The following TNR variants were observed in gnomAD, a reference collection of about 807,000 sequenced individuals.
TNR encodes the protein tenascin-R.
A neutral mutation model predicts 150.4 loss-of-function variants in TNR; 45 were observed. The ratio of observed to expected loss-of-function variants is 0.30; its 90% CI spans 0.24 to 0.38. The LOEUF is 0.38. Ranked by LOEUF, TNR falls within the 10% of genes least tolerant of loss-of-function variation. TNR has a pLI of 1.00. For missense variants in TNR, 1,544 were observed against 1,759.1 expected (o/e 0.88, Z 2.19); for synonymous variants, 687 against 678.4 (o/e 1.01, Z -0.20).
chr1:175,602,270 C>T (rs980961221), intron 1 of TNR, among the ~76,000 whole-genome samples: 1 of 143,932 alleles, frequency 6.9e-6, no homozygotes, highest in African/African-American at 2.6e-5. Context: ...ATGCGATCTA[C>T]TCATTCCTCT....
chr1:175,473,834 T>C lies in TNR; in HGVS notation c.-64+54435A>G, dbSNP rs141684410. On this transcript the variant is annotated intron_variant, in intron 2 of 22. Coordinates refer to ENST00000367674, the MANE Select transcript of TNR (RefSeq NM_003285.3). ...AATGGCAGCTTAACATGCATTTCTG[T>C]CTAATATTCACTTTGTCAGGTCTTT... Among the ~76,000 whole-genome samples, 501 of 152,296 alleles carry C rather than the reference T, an allele frequency of 3.3e-3. 2 individuals are homozygous for C. Among genetic ancestry groups the C allele is most frequent in the Non-Finnish European group, 6.0e-3 (405 of 68,020 alleles).
At chr1:175,428,101 C>G (rs1177285486) in intron 2 of TNR, among the ~76,000 whole-genome samples, 2 of 152,162 alleles carry the variant, frequency 1.3e-5, no homozygotes, top group African/African-American at 2.4e-5. Context: ...TAAGTAACCT[C>G]AAGATGTGTA....
Position 175,406,455 on chromosome 1 carries a change from G to T in TNR, c.260C>A (p.Ala87Asp). 1 of 1,614,206 alleles carries T rather than the reference G, an allele frequency of 6.2e-7. No homozygotes were observed. The highest frequency in any genetic ancestry group is 8.5e-7 in the Non-Finnish European group (1 of 1,180,046). The part of the protein sequence containing the change: ...NLCSSGLEAS[A>D]EQEVSAEDET... ...GTCTTCTGCACTCACCTCCTGCTCA[G>T]CAGAGGCCTCTAGCCCTGAGGAGCA... The change falls in exon 3 of 23, where the codon GCT (alanine) becomes GAT (aspartate). Residue 87 changes from alanine to aspartate, a missense_variant. By Grantham distance (126) the Ala-to-Asp change is moderately radical. This residue lies in a region of TNR where 1,254 missense variants were observed against 1,329.4 expected (regional missense o/e 0.94). Coordinates refer to ENST00000367674, the MANE Select transcript of TNR (RefSeq NM_003285.3).
intron 2 of TNR, among the ~76,000 whole-genome samples, chr1:175,482,899 C>T (rs1336740911): frequency 2.6e-5 from 4 of 152,206 alleles, no homozygotes; most frequent in Non-Finnish European, 5.9e-5. Flanking sequence ...ACCAAGACCT[C>T]ACCCAATGGA....
intron 2 of TNR, among the ~76,000 whole-genome samples, chr1:175,430,393 C>A (rs1377893475): frequency 6.6e-6 from 1 of 152,140 alleles, no homozygotes; most frequent in Non-Finnish European, 1.5e-5. Context: ...CAGAATTAGA[C>A]AACAATCTAA....
chr1:175,626,949 G>A (rs1664174246), intron 1 of TNR, among the ~76,000 whole-genome samples: 1 of 152,200 alleles, frequency 6.6e-6, no homozygotes, highest in Admixed American at 6.5e-5. Flanking sequence ...GTCACCACAA[G>A]CCAAGGAATG....
chr1:175,643,502 G>T (rs993701645), intron 1 of TNR, among the ~76,000 whole-genome samples: 1 of 152,156 alleles, frequency 6.6e-6, no homozygotes, highest in Non-Finnish European at 1.5e-5. Flanking sequence ...ACGGTGCTTT[G>T]TTGGACAATG....
chr1:175,518,298 T>C (rs1488939683), intron 2 of TNR, among the ~76,000 whole-genome samples: 1 of 152,194 alleles, frequency 6.6e-6, no homozygotes, highest in Non-Finnish European at 1.5e-5. Context: ...GCAGCTGCAT[T>C]AAGCCAAGTC....
intron 1 of TNR, among the ~76,000 whole-genome samples, chr1:175,645,203 C>T (rs1468180238): frequency 2.0e-5 from 3 of 152,166 alleles, no homozygotes; most frequent in Non-Finnish European, 1.5e-5. Context: ...ATACTGCTTA[C>T]TTTCAAAACT....
rs1653792582 is a variant in TNR, at chr1:175,403,164, A to G, written c.952T>C (p.Tyr318His). The change falls in exon 4 of 23, where the codon TAC becomes CAC. Residue 318 changes from tyrosine to histidine, a missense_variant. This residue lies in a region of TNR where 1,254 missense variants were observed against 1,329.4 expected (regional missense o/e 0.94). Transcript: ENST00000367674. ...CCTGCTGAGCAGTCAGGGCCCTGGT[A>G]GCCCTCTTCACAGACGCAGAGCCCC... ...EEGLCVCEEGYQGPDCSAVAP... is the reference protein window; with the variant it reads ...EEGLCVCEEGHQGPDCSAVAP... 6.8e-6 allele frequency: 11 copies of G among 1,613,552 alleles called. No individual in the cohort carries two copies. Among genetic ancestry groups the G allele is most frequent in the Non-Finnish European group, 9.3e-6 (11 of 1,179,638 alleles).
intron 2 of TNR, among the ~76,000 whole-genome samples, chr1:175,435,479 T>C (rs1206287546): frequency 1.3e-5 from 2 of 152,150 alleles, no homozygotes; most frequent in Admixed American, 6.5e-5. Flanking sequence ...TGGGGACATA[T>C]GAAATTTGAG....
intron 8 of TNR, 149 bp from the exon 9 acceptor site, chr1:175,379,886 C>G: frequency 1.1e-6 from 1 of 896,342 alleles, no homozygotes; most frequent in Non-Finnish European, 1.7e-6. Flanking sequence ...CTACCCTTAG[C>G]TTTTTGGTCT....
intron 1 of TNR, among the ~76,000 whole-genome samples, chr1:175,563,030 C>T (rs1661492469): frequency 6.6e-6 from 1 of 152,190 alleles, no homozygotes; most frequent in East Asian, 1.9e-4. Context: ...TAACCCCATG[C>T]AGAGTCAGCC....
At chr1:175,625,160 C>T (rs1273965148) in intron 1 of TNR, among the ~76,000 whole-genome samples, 4 of 152,358 alleles carry the variant, frequency 2.6e-5, no homozygotes, top group Admixed American at 6.5e-5. Context: ...TTGGCTTCTA[C>T]GATTCCCAAG....
chr1:175,428,159 C>T (rs748199335), intron 2 of TNR, among the ~76,000 whole-genome samples: 5 of 152,216 alleles, frequency 3.3e-5, no homozygotes, highest in Non-Finnish European at 5.9e-5. Context: ...TATGTATCAA[C>T]AGTAAACCAA....
rs1211078326 is a variant in TNR, at chr1:175,692,420, G to C, written c.-165+50806C>G. 4.6e-5 allele frequency among the ~76,000 whole-genome samples: 7 copies of C among 152,240 alleles called. No individual in the cohort carries two copies. The South Asian group carries it at 1.4e-3, about 31-fold the overall frequency. ...TCCAAGATGGACCAAATATATGTGT[G>C]CGTGGCATCTGCCCTAGCGATGGTT... is the stretch of plus-strand genomic sequence containing the variant. On this transcript the variant is annotated intron_variant, in intron 1 of 22. Transcript: ENST00000367674.
intron 1 of TNR, among the ~76,000 whole-genome samples, chr1:175,737,804 G>A (rs958023214): frequency 1.3e-5 from 2 of 152,136 alleles, no homozygotes; most frequent in African/African-American, 4.8e-5. Context: ...TAGGGGTCCC[G>A]AGGAGACCAG....
At chr1:175,677,540 G>C (rs964963842) in intron 1 of TNR, among the ~76,000 whole-genome samples, 1 of 152,112 alleles carries the variant, frequency 6.6e-6, no homozygotes, top group Non-Finnish European at 1.5e-5. Flanking sequence ...CAACAACATC[G>C]ACAACATTGC....
intron 2 of TNR, among the ~76,000 whole-genome samples, chr1:175,429,428 G>T (rs1267247722): frequency 6.6e-6 from 1 of 152,152 alleles, no homozygotes; most frequent in East Asian, 1.9e-4. Context: ...TCCAATAGTT[G>T]CTCTCTTGTT....
Sources: allele counts gnomAD v4.1 joint callset (sites outside exome capture counted in the v4.1 genomes callset), GRCh38; gene constraint gnomAD v4.1.1; regional missense constraint gnomAD v4.1.1; transcripts MANE v1.5; gene names NCBI Gene and HGNC (gene_info 2026-07-23, HGNC 2026-07-21).